Variants in UGGT2 observed in about 807,000 individuals in gnomAD.
UGGT2 encodes the protein UDP-glucose:glycoprotein glucosyltransferase 2.
Under a neutral mutation model 192.1 loss-of-function variants are expected in UGGT2, and 180 were observed. That is an observed-to-expected ratio of 0.94 (90% CI 0.83 to 1.06). The LOEUF (loss-of-function observed/expected upper bound fraction) is 1.06. Among genes scored for constraint, UGGT2 ranks in the 50% least tolerant of loss-of-function variants. UGGT2 has a pLI of 0.00. For missense variants in UGGT2, 1,849 were observed against 1,795.7 expected, an observed-to-expected ratio of 1.03 and a Z score of -0.54; for synonymous variants, 580 against 591.0, an observed-to-expected ratio of 0.98 and a Z score of 0.27.
At chr13:95,884,755 A>AAT in intron 26 of UGGT2, 75 bp from the exon 27 acceptor site, 2 of 1,401,888 alleles carry the variant, frequency 1.4e-6, no homozygotes, top group Non-Finnish European at 1.9e-6. Flanking sequence ...CAAAATTGAA[A>AAT]ATTGCTTAAT....
rs144348380 is a variant in UGGT2 at position 95,815,663 on chromosome 13, C to T, written c.4529-13851G>A. Among the ~76,000 whole-genome samples the T allele has an allele frequency of 9.0e-4, 137 of 152,258 alleles. 2 individuals are homozygous for T. The East Asian group carries it at 0.02, about 22-fold the overall frequency. On this transcript the variant is annotated intron_variant, in intron 38 of 38. Coordinates refer to ENST00000376747, the MANE Select transcript of UGGT2 (RefSeq NM_020121.4). ...TTAAAACAAGAGTTGCAATCAAAATCTCAGTGGGCTTTTTTGTTTTCCAAA... is the reference window on the plus strand; with the variant it reads ...TTAAAACAAGAGTTGCAATCAAAATTTCAGTGGGCTTTTTTGTTTTCCAAA...
At chr13:95,861,120 T>C (rs1190304690) in intron 31 of UGGT2, among the ~76,000 whole-genome samples, 1 of 152,114 alleles carries the variant, frequency 6.6e-6, no homozygotes, top group African/African-American at 2.4e-5. Flanking sequence ...GTGAATGGGC[T>C]GGTATTTTTG....
At chr13:96,031,091 A>C in intron 2 of UGGT2, among the ~76,000 whole-genome samples, 1 of 152,178 alleles carries the variant, frequency 6.6e-6, no homozygotes, top group East Asian at 1.9e-4. Context: ...CAACAGATAT[A>C]TATGTACCAC....
intron 36 of UGGT2, among the ~76,000 whole-genome samples, chr13:95,842,126 A>G (rs910601213): frequency 6.6e-6 from 1 of 152,224 alleles, no homozygotes; most frequent in African/African-American, 2.4e-5. Context: ...CATAATTAAC[A>G]TAATTGAATA....
chr13:95,876,519 G>A (rs891558079), intron 29 of UGGT2, among the ~76,000 whole-genome samples: 7 of 152,204 alleles, frequency 4.6e-5, no homozygotes, highest in Admixed American at 3.9e-4. Flanking sequence ...AGTTGGGGCT[G>A]TGAGGCCTAC....
At chr13:95,993,368 T>A (rs1339171698) in intron 7 of UGGT2, among the ~76,000 whole-genome samples, 1 of 152,108 alleles carries the variant, frequency 6.6e-6, no homozygotes, top group Non-Finnish European at 1.5e-5. Flanking sequence ...AACCTGCACG[T>A]GTATGCCTTG....
In UGGT2 at chr13:95,899,349, C is replaced by A. The variant is rs191916954; in HGVS notation, c.2634+1458G>T. 4.7e-4 allele frequency among the ~76,000 whole-genome samples: 72 copies of A among 152,276 alleles called. 1 individual carries two copies. The highest frequency in any genetic ancestry group is 1.6e-3 in the African/African-American group (67 of 41,558). ...GGTGCTGTTTGTTGTCTCTCTCTAT[C>A]CATCAAAATATTAGCCCCATGAAAA... On this transcript the variant is annotated intron_variant, in intron 22 of 38. Coordinates refer to ENST00000376747, the MANE Select transcript of UGGT2 (RefSeq NM_020121.4).
chr13:96,023,133 G>A lies in UGGT2; in HGVS notation c.392C>T (p.Pro131Leu), dbSNP rs1332339154. 2 of 1,587,646 alleles carry A rather than the reference G, an allele frequency of 1.3e-6. No homozygotes were observed. Among genetic ancestry groups the A allele is most frequent in the Admixed American group, 1.7e-5 (1 of 58,060 alleles). The stretch of plus-strand genomic sequence containing the variant: ...CACAAATGCATTACAACCATCTGGT[G>A]GTGGCTCATCAGCTGCAATCTAAGA... ...MFQQIAADEP[P>L]PDGCNAFVVI... The change falls in exon 4 of 39, where the codon CCA becomes CTA. Residue 131 changes from proline (P) to leucine (L), a missense_variant. Coordinates refer to ENST00000376747, the MANE Select transcript of UGGT2 (RefSeq NM_020121.4).
At position 95,900,857 on chromosome 13, in the gene UGGT2, C is replaced by T; in HGVS notation, c.2584G>A (p.Asp862Asn). Residue 862 changes from aspartate to asparagine, a missense_variant, in exon 22 of 39, where the codon GAT (aspartate) becomes AAT (asparagine). Physicochemically the swap from Asp to Asn is conservative, Grantham distance 23 (BLOSUM62 1). Coordinates refer to ENST00000376747, the MANE Select transcript of UGGT2 (RefSeq NM_020121.4). Reference protein sequence around the residue: ...IFRTHQLFCQDVLKLRPGEMG... With the variant: ...IFRTHQLFCQNVLKLRPGEMG... ...TCTCCAGGACGTAATTTAAGTACAT[C>T]TTGACAGAACAACTGGTGAGTTCGA... 6.2e-7 allele frequency: 1 copy of T among 1,611,902 alleles called. No individual in the cohort carries two copies. Among genetic ancestry groups the T allele is most frequent in the Non-Finnish European group, 8.5e-7 (1 of 1,179,154 alleles).
At position 95,970,132 on chromosome 13, in the gene UGGT2, T is replaced by C. The variant is rs373398399; in HGVS notation, c.1315A>G (p.Ile439Val). Reference protein sequence around the residue: ...HIWEYTYVLDIRHSSIMWIND... With the variant: ...HIWEYTYVLDVRHSSIMWIND... ...CTTACCATTATAGAAGAATGTCGAA[T>C]ATCTAATACATAAGTATATTCCCAA... Residue 439 changes from isoleucine to valine, a missense_variant, in exon 12 of 39, where the codon ATT becomes GTT. Transcript: ENST00000376747. 30 of 1,608,782 alleles carry C rather than the reference T, an allele frequency of 1.9e-5. No homozygotes were observed. The highest frequency in any genetic ancestry group is 2.6e-5 in the Non-Finnish European group (30 of 1,175,764).
chr13:96,019,900 C>T (rs976701400), intron 4 of UGGT2, among the ~76,000 whole-genome samples: 3 of 152,132 alleles, frequency 2.0e-5, no homozygotes, highest in Non-Finnish European at 4.4e-5. Context: ...AGAGGCAGCC[C>T]GAAGAGCCCA....
At chr13:95,865,420 G>A (rs1204632736) in intron 30 of UGGT2, among the ~76,000 whole-genome samples, 1 of 152,178 alleles carries the variant, frequency 6.6e-6, no homozygotes, top group African/African-American at 2.4e-5. Flanking sequence ...CAAGGCGGGT[G>A]GATCACTTGA....
chr13:95,835,767 G>A (rs1819238892), intron 37 of UGGT2, among the ~76,000 whole-genome samples: 1 of 152,142 alleles, frequency 6.6e-6, no homozygotes, highest in Admixed American at 6.5e-5. Flanking sequence ...CAAGGTAGTA[G>A]TGGAATATAA....
chr13:95,854,407 T>A lies in UGGT2; in HGVS notation c.4077A>T (p.Pro1359=). Reference sequence around the variant, plus strand: ...CCATTTCCCTGCGGCTATCACAAAATGGAGTATACCCATAAGGAGCTCCAT... The same window carrying A: ...CCATTTCCCTGCGGCTATCACAAAAAGGAGTATACCCATAAGGAGCTCCAT... ...DLDGAPYGYT[P]FCDSRREMDG... The change falls in exon 35 of 39, where the codon CCA becomes CCT. Residue 1359 remains proline (P), a synonymous_variant. Transcript: ENST00000376747. 6.2e-7 allele frequency: 1 copy of A among 1,613,876 alleles called. No individual in the cohort carries two copies. The highest frequency in any genetic ancestry group is 8.5e-7 in the Non-Finnish European group (1 of 1,179,906).
At chr13:95,825,079 T>C (rs1885885509) in intron 38 of UGGT2, among the ~76,000 whole-genome samples, 1 of 152,152 alleles carries the variant, frequency 6.6e-6, no homozygotes, top group African/African-American at 2.4e-5. Flanking sequence ...CTTCCTCAGA[T>C]GTGGTTGTAA....
intron 5 of UGGT2, among the ~76,000 whole-genome samples, chr13:96,009,592 G>A (rs771916136): frequency 9.2e-5 from 14 of 152,034 alleles, no homozygotes; most frequent in Non-Finnish European, 1.6e-4. Flanking sequence ...GGCGGATCAC[G>A]AGGTCAAAAG....
rs1035796396 is a variant in UGGT2, at chr13:95,801,619, T to G, written c.*171A>C. On this transcript the variant is annotated 3_prime_UTR_variant, in exon 39 of 39. Coordinates refer to ENST00000376747, the MANE Select transcript of UGGT2 (RefSeq NM_020121.4). Reference sequence around the variant, plus strand: ...TGGTCATTTATTATATAACTTAAACTCATTCAATACATTAAATAACTGTTT... The same window carrying G: ...TGGTCATTTATTATATAACTTAAACGCATTCAATACATTAAATAACTGTTT... The G allele has an allele frequency of 1.7e-4, 98 of 587,352 alleles. No individual in the cohort carries two copies. The African/African-American group carries it at 1.7e-3, about 10-fold the overall frequency. The allele number at this position is 587,352 out of a possible 1,614,324, so 36.4% of individuals were successfully genotyped here. A position where few individuals can be genotyped will look rare whatever the true frequency, so the allele number is the denominator to read the frequency against.
At chr13:95,888,269 T>C (rs1290992226) in intron 25 of UGGT2, among the ~76,000 whole-genome samples, 2 of 152,160 alleles carry the variant, frequency 1.3e-5, no homozygotes, top group Non-Finnish European at 2.9e-5. Flanking sequence ...ATTTCCTTAG[T>C]ATTGAAGAAC....
At chr13:95,840,424 C>T (rs910965982) in intron 36 of UGGT2, among the ~76,000 whole-genome samples, 9 of 152,022 alleles carry the variant, frequency 5.9e-5, no homozygotes, top group Admixed American at 3.9e-4. Flanking sequence ...CTTATGCGAC[C>T]AACAAACATA....
Sources: gnomAD v4.1 joint callset for allele counts (sites outside exome capture counted in the v4.1 genomes callset) on GRCh38, gnomAD v4.1.1 for gene constraint, MANE v1.5 for transcripts, NCBI Gene and HGNC (gene_info 2026-07-23, HGNC 2026-07-21) for gene names.